The following CRYL1 variants were observed in gnomAD, a reference collection of about 807,000 sequenced individuals.
CRYL1 encodes lambda-crystallin homolog.
Under a neutral mutation model 36.6 loss-of-function variants are expected in CRYL1, and 29 were observed. The observed-to-expected ratio is 0.79, with a 90% confidence interval of 0.59 to 1.08. The LOEUF (loss-of-function observed/expected upper bound fraction) is 1.08. Among genes scored for constraint, CRYL1 ranks in the 50% least tolerant of loss-of-function variants. The pLI is 0.00. For missense variants in CRYL1, 411 were observed against 407.9 expected (o/e 1.01, Z -0.06); for synonymous variants, 152 against 151.5 (o/e 1.00, Z -0.02).
chr13:20,460,589 T>G (rs7982871), intron 3 of CRYL1, among the ~76,000 whole-genome samples: 83,617 of 141,022 alleles, frequency 0.59, 24,892 homozygotes, highest in South Asian at 0.75. Context: ...GCAGTGGCGC[T>G]ATCTCGGCTC....
At chr13:20,430,341 G>C (rs999187412) in intron 5 of CRYL1, 1 of 985,190 alleles carries the variant, frequency 1.0e-6, no homozygotes, top group Non-Finnish European at 1.2e-6. Flanking sequence ...AGGGACTCCA[G>C]GCATCTGAGT....
At chr13:20,420,433 G>T (rs543692282) in intron 5 of CRYL1, among the ~76,000 whole-genome samples, 12 of 151,172 alleles carry the variant, frequency 7.9e-5, no homozygotes, top group African/African-American at 2.4e-4. Flanking sequence ...TTCCAGAAAA[G>T]ACTCCAGAAG....
chr13:20,407,807 T>C (rs1431351490), intron 6 of CRYL1, among the ~76,000 whole-genome samples: 7 of 152,374 alleles, frequency 4.6e-5, no homozygotes, highest in Non-Finnish European at 8.8e-5. Flanking sequence ...TGCTGCTTTC[T>C]AACTTGCGAG....
intron 3 of CRYL1, among the ~76,000 whole-genome samples, chr13:20,446,817 T>C (rs2032467652): frequency 6.6e-6 from 1 of 152,246 alleles, no homozygotes. Flanking sequence ...CTTACCAAGA[T>C]GATTTTTGCA....
chr13:20,501,295 G>T (rs7325073), intron 2 of CRYL1, among the ~76,000 whole-genome samples: 1 of 152,114 alleles, frequency 6.6e-6, no homozygotes, highest in Non-Finnish European at 1.5e-5. Context: ...GAAACAGATT[G>T]AGTGAGTTAC....
At chr13:20,404,557 G>T in intron 7 of CRYL1, 78 bp downstream of exon 7, 1 of 890,568 alleles carries the variant, frequency 1.1e-6, no homozygotes, top group Non-Finnish European at 1.8e-6. Flanking sequence ...AGGCCCACCC[G>T]CTGCAGAGGT....
chr13:20,412,398 T>C (rs114883869), intron 6 of CRYL1, among the ~76,000 whole-genome samples: 1,872 of 152,260 alleles, frequency 0.012, 30 homozygotes, highest in African/African-American at 0.042. Context: ...ATATGTTTTC[T>C]AAGTTAGTAA....
chr13:20,472,083 A>G (rs997412666), intron 3 of CRYL1, among the ~76,000 whole-genome samples: 2 of 151,810 alleles, frequency 1.3e-5, no homozygotes, highest in Non-Finnish European at 2.9e-5. Flanking sequence ...CTGGTCTCCA[A>G]CTCCTGACCT....
chr13:20,488,645 T>C (rs915699124), intron 3 of CRYL1, among the ~76,000 whole-genome samples: 3 of 152,198 alleles, frequency 2.0e-5, no homozygotes, highest in Non-Finnish European at 2.9e-5. Flanking sequence ...ACACAAAATA[T>C]CAAGGAAAGA....
rs543255214 is a variant in CRYL1, at chr13:20,512,301, T to C, written c.149+142A>G. 4.9e-6 allele frequency: 3 copies of C among 606,392 alleles called. No individual in the cohort carries two copies. The South Asian group carries it at 6.6e-5, about 13-fold the overall frequency. The allele number at this position is 606,392 out of a possible 1,614,324, so 37.6% of individuals were successfully genotyped here. A position where few individuals can be genotyped will look rare whatever the true frequency, so the allele number is the denominator to read the frequency against. ...TTCCAGCCACTGTAGGCCTGGCCTTTACCAACTCAGAGGCACTGCAGTAGC... is the reference window on the plus strand; with the variant it reads ...TTCCAGCCACTGTAGGCCTGGCCTTCACCAACTCAGAGGCACTGCAGTAGC... On this transcript the variant is annotated intron_variant, in intron 2 of 7. Coordinates refer to ENST00000298248, the MANE Select transcript of CRYL1 (RefSeq NM_015974.3).
At chr13:20,446,895 A>G (rs1293051637) in intron 3 of CRYL1, among the ~76,000 whole-genome samples, 1 of 152,242 alleles carries the variant, frequency 6.6e-6, no homozygotes, top group Non-Finnish European at 1.5e-5. Context: ...GTGGCTACTA[A>G]GAACTGAAAA....
At chr13:20,454,188 T>C (rs1046834849) in intron 3 of CRYL1, among the ~76,000 whole-genome samples, 4 of 151,914 alleles carry the variant, frequency 2.6e-5, no homozygotes, top group South Asian at 2.1e-4. Flanking sequence ...AGACATTACA[T>C]GGGGAAAAAA....
intron 3 of CRYL1, among the ~76,000 whole-genome samples, chr13:20,449,437 A>G (rs1208428210): frequency 1.3e-5 from 2 of 152,206 alleles, no homozygotes; most frequent in African/African-American, 4.8e-5. Flanking sequence ...ATAAAATAGA[A>G]CCATAAAAAT....
At chr13:20,507,723 C>A (rs192508162) in intron 2 of CRYL1, among the ~76,000 whole-genome samples, 2 of 151,964 alleles carry the variant, frequency 1.3e-5, no homozygotes, top group East Asian at 3.9e-4. Context: ...TCGAGACCAT[C>A]CTGGCTAACA....
rs940629744 is a variant in CRYL1 at position 20,409,816 on chromosome 13, A to G, written c.739+3466T>C. ...ATCACTGGCCATCAGAGAAATGCAA[A>G]TCAAAACCACAATGAGATACCATCT... On this transcript the variant is annotated intron_variant, in intron 6 of 7. Coordinates refer to ENST00000298248, the MANE Select transcript of CRYL1 (RefSeq NM_015974.3). Among the ~76,000 whole-genome samples the G allele has an allele frequency of 1.6e-4, 24 of 152,204 alleles. 1 individual carries two copies. The highest frequency in any genetic ancestry group is 3.4e-3 in the Middle Eastern group (1 of 294).
intron 3 of CRYL1, among the ~76,000 whole-genome samples, chr13:20,440,278 C>T: frequency 6.6e-6 from 1 of 152,188 alleles, no homozygotes; most frequent in Non-Finnish European, 1.5e-5. Flanking sequence ...ACAATAAATA[C>T]ATCTGTATGT....
rs753573522 is a variant in CRYL1, at chr13:20,470,926, AC to A, written c.276+18443del. 3.4e-3 allele frequency among the ~76,000 whole-genome samples: 492 copies of A among 144,244 alleles called. 31 individuals carry two copies. The highest frequency in any genetic ancestry group is 0.013 in the African/African-American group (458 of 35,888). The allele number at this position is 144,244 out of a possible 152,430, so 94.6% of individuals were successfully genotyped here. A position where few individuals can be genotyped will look rare whatever the true frequency, so the allele number is the denominator to read the frequency against. On this transcript the variant is annotated intron_variant, in intron 3 of 7. Coordinates refer to ENST00000298248, the MANE Select transcript of CRYL1 (RefSeq NM_015974.3). ...ACTCCATCTCAAAAAAAAAAAAAAA[AC>A]AAAAAAAAAAACCCATGACACACAT...
intron 2 of CRYL1, among the ~76,000 whole-genome samples, chr13:20,506,690 C>T (rs1052394661): frequency 6.6e-6 from 1 of 152,074 alleles, no homozygotes; most frequent in Non-Finnish European, 1.5e-5. Context: ...AATTAGGAAC[C>T]GTGGGATTTT....
At chr13:20,501,711 G>T (rs1383910086) in intron 2 of CRYL1, among the ~76,000 whole-genome samples, 1 of 152,206 alleles carries the variant, frequency 6.6e-6, no homozygotes, top group African/African-American at 2.4e-5. Context: ...GAGCAGTGAG[G>T]AAATAGAAAG....
Sources: gnomAD v4.1 joint callset for allele counts (sites outside exome capture counted in the v4.1 genomes callset) on GRCh38, gnomAD v4.1.1 for gene constraint, MANE v1.5 for transcripts, NCBI Gene and HGNC (gene_info 2026-07-23, HGNC 2026-07-21) for gene names.